GRIA1: variants seen among roughly 807,000 people sequenced by gnomAD.
GRIA1 encodes glutamate ionotropic receptor AMPA type subunit 1.
GRIA1 carries 31 observed loss-of-function variants against 99.2 expected under a neutral mutation model. The ratio of observed to expected loss-of-function variants is 0.31; its 90% CI spans 0.23 to 0.42. GRIA1 has a LOEUF of 0.42. Ranked by LOEUF, GRIA1 falls within the 10% of genes least tolerant of loss-of-function variation. GRIA1 has a pLI of 1.00. For missense variants in GRIA1, 782 were observed against 1,157.5 expected (o/e 0.68, Z 4.71); for synonymous variants, 438 against 432.4 (o/e 1.01, Z -0.16).
chr5:153,693,570 T>A (rs964354657), intron 8 of GRIA1, among the ~76,000 whole-genome samples: 1 of 152,190 alleles, frequency 6.6e-6, no homozygotes, highest in African/African-American at 2.4e-5. Context: ...TATGATCATC[T>A]CCTTTTAAGA....
At chr5:153,500,298 C>A (rs1373313246) in intron 2 of GRIA1, among the ~76,000 whole-genome samples, 1 of 151,714 alleles carries the variant, frequency 6.6e-6, no homozygotes, top group South Asian at 2.1e-4. Context: ...TCATCCGAAA[C>A]CCTTTTATTA....
intron 14 of GRIA1, among the ~76,000 whole-genome samples, chr5:153,799,154 G>C (rs574405221): frequency 1.6e-4 from 24 of 152,108 alleles, no homozygotes; most frequent in Non-Finnish European, 2.6e-4. Flanking sequence ...GTACCCTGAG[G>C]GGTGCTCAGA....
intron 2 of GRIA1, among the ~76,000 whole-genome samples, chr5:153,604,000 A>G (rs571395024): frequency 8.5e-4 from 130 of 152,342 alleles, no homozygotes; most frequent in Non-Finnish European, 1.4e-3. Context: ...ACATACATTT[A>G]TGATCTAGTT....
At chr5:153,688,626 T>C (rs1407348622) in intron 8 of GRIA1, among the ~76,000 whole-genome samples, 1 of 152,230 alleles carries the variant, frequency 6.6e-6, no homozygotes, top group Admixed American at 6.5e-5. Context: ...TGTTTATTTC[T>C]TTCAAAGCAT....
At chr5:153,628,788 T>A (rs1767875993) in intron 2 of GRIA1, among the ~76,000 whole-genome samples, 1 of 152,204 alleles carries the variant, frequency 6.6e-6, no homozygotes, top group African/African-American at 2.4e-5. Flanking sequence ...TTTTTATAAT[T>A]TCCTCTTCCT....
chr5:153,579,131 A>C (rs1762825553), intron 2 of GRIA1, among the ~76,000 whole-genome samples: 1 of 151,752 alleles, frequency 6.6e-6, no homozygotes, highest in Non-Finnish European at 1.5e-5. Context: ...TAAACTGTAA[A>C]GGGCCATGCA....
intron 2 of GRIA1, among the ~76,000 whole-genome samples, chr5:153,562,994 G>A (rs544722004): frequency 1.3e-5 from 2 of 152,002 alleles, no homozygotes; most frequent in Non-Finnish European, 2.9e-5. Context: ...CGGCCAACAT[G>A]GTGAAACCCC....
chr5:153,800,322 G>A (rs984091493), intron 14 of GRIA1, among the ~76,000 whole-genome samples: 2 of 152,024 alleles, frequency 1.3e-5, no homozygotes, highest in African/African-American at 2.4e-5. Flanking sequence ...AGTCCCCCAA[G>A]GACTCTAAAG....
chr5:153,688,501 C>T (rs1313139335), intron 8 of GRIA1, among the ~76,000 whole-genome samples: 1 of 152,198 alleles, frequency 6.6e-6, no homozygotes, highest in Non-Finnish European at 1.5e-5. Context: ...ATCATGTCTG[C>T]ATTAGCGCCT....
intron 11 of GRIA1, among the ~76,000 whole-genome samples, chr5:153,719,933 G>T (rs1379772535): frequency 6.6e-6 from 1 of 152,114 alleles, no homozygotes; most frequent in African/African-American, 2.4e-5. Context: ...AAAGGCATGT[G>T]CTCTCTCTCT....
chr5:153,798,245 G>A (rs1380211888), intron 14 of GRIA1, among the ~76,000 whole-genome samples: 3 of 152,180 alleles, frequency 2.0e-5, no homozygotes, highest in Admixed American at 2.0e-4. Flanking sequence ...GCTAATGAGT[G>A]AGCCTAGCCA....
Position 153,690,824 on chromosome 5 carries a change from T to C in GRIA1, c.1134+4495T>C, listed in dbSNP as rs562502403. 1.5e-4 allele frequency among the ~76,000 whole-genome samples: 23 copies of C among 152,320 alleles called. No individual in the cohort carries two copies. The East Asian group carries it at 4.4e-3, about 29-fold the overall frequency. On this transcript the variant is annotated intron_variant, in intron 8 of 15. Transcript: ENST00000285900. The stretch of plus-strand genomic sequence containing the variant: ...TGTGGGCTTAAACGTCCTTTGTTTA[T>C]GGGGGATCTGCCTTTCAGAAAATCA...
At chr5:153,489,699 A>G, upstream of GRIA1, 1 of 439,180 alleles carries the variant, frequency 2.3e-6, no homozygotes, top group South Asian at 1.7e-5. Flanking sequence ...TCTACAGGTT[A>G]TTTCAGCAGA....
At chr5:153,749,698 A>G (rs1310955941) in intron 11 of GRIA1, among the ~76,000 whole-genome samples, 3 of 152,164 alleles carry the variant, frequency 2.0e-5, no homozygotes, top group Non-Finnish European at 2.9e-5. Context: ...CTGGGGATCA[A>G]ATTTGAACAT....
At chr5:153,689,023 T>C (rs1055967242) in intron 8 of GRIA1, among the ~76,000 whole-genome samples, 5 of 152,178 alleles carry the variant, frequency 3.3e-5, no homozygotes, top group African/African-American at 4.8e-5. Flanking sequence ...CCCAGGCTTT[T>C]TTTTCTTTCT....
intron 8 of GRIA1, among the ~76,000 whole-genome samples, chr5:153,687,503 A>G (rs1283159181): frequency 6.6e-6 from 1 of 152,182 alleles, no homozygotes; most frequent in East Asian, 1.9e-4. Flanking sequence ...CTCAGACTTA[A>G]TGCTCTCTAT....
At chr5:153,674,021 T>C (rs1330878749) in intron 5 of GRIA1, among the ~76,000 whole-genome samples, 1 of 152,204 alleles carries the variant, frequency 6.6e-6, no homozygotes, top group Non-Finnish European at 1.5e-5. Flanking sequence ...AAATTCAGAT[T>C]CCTCTTCTCT....
intron 5 of GRIA1, among the ~76,000 whole-genome samples, chr5:153,657,255 C>T (rs1755025119): frequency 6.6e-6 from 1 of 152,146 alleles, no homozygotes. Flanking sequence ...TTTTGAGGAA[C>T]TCCAAAATTA....
intron 2 of GRIA1, among the ~76,000 whole-genome samples, chr5:153,645,055 T>G (rs1484458086): frequency 6.6e-6 from 1 of 152,144 alleles, no homozygotes; most frequent in Non-Finnish European, 1.5e-5. Flanking sequence ...TTGTTTGTTT[T>G]GTCTTTGTTG....
Sources: allele counts gnomAD v4.1 joint callset (sites outside exome capture counted in the v4.1 genomes callset), GRCh38; gene constraint gnomAD v4.1.1; transcripts MANE v1.5; gene names NCBI Gene and HGNC (gene_info 2026-07-23, HGNC 2026-07-21).